The following ATP10B variants were observed in gnomAD, a reference collection of about 807,000 sequenced individuals.
The protein encoded by ATP10B is ATPase phospholipid transporting 10B (putative), also known as phospholipid-transporting ATPase VB.
In ATP10B, 122 loss-of-function variants were observed where a neutral mutation model predicts 141.2. That is an observed-to-expected ratio of 0.86 (90% CI 0.75 to 1.00). ATP10B has a LOEUF of 1.00. Ranked by LOEUF, ATP10B falls within the 50% of genes least tolerant of loss-of-function variation. The pLI, the probability that ATP10B is intolerant of heterozygous loss-of-function variation, is 0.00. For missense variants in ATP10B, 1,876 were observed against 1,825.3 expected (o/e 1.03, Z -0.51); for synonymous variants, 685 against 692.0 (o/e 0.99, Z 0.16).
intron 16 of ATP10B, among the ~76,000 whole-genome samples, 171 bp downstream of exon 16, chr5:160,617,693 G>T (rs185702430): frequency 1.3e-5 from 2 of 152,292 alleles, no homozygotes; most frequent in Admixed American, 1.3e-4. Flanking sequence ...TCAGATTTTG[G>T]CTTCCACAAA....
intron 2 of ATP10B, among the ~76,000 whole-genome samples, chr5:160,744,119 A>G (rs1767651622): frequency 2.0e-5 from 3 of 152,166 alleles, no homozygotes; most frequent in African/African-American, 7.2e-5. Context: ...TATTATTTAC[A>G]CTGTCAGCCT....
At chr5:160,618,427 C>T (rs903090249) in intron 15 of ATP10B, among the ~76,000 whole-genome samples, 5 of 152,152 alleles carry the variant, frequency 3.3e-5, no homozygotes, top group Non-Finnish European at 7.3e-5. Flanking sequence ...TATTTATCAT[C>T]TTCTCTATCT....
chr5:160,875,533 A>G, the ATP10B span, among the ~76,000 whole-genome samples: 3 of 91,798 alleles, frequency 3.3e-5, no homozygotes, highest in African/African-American at 8.9e-5. Context: ...CACACATAAC[A>G]ATATTAACTT....
At chr5:160,739,036 T>C (rs760231265) in intron 2 of ATP10B, among the ~76,000 whole-genome samples, 3 of 152,146 alleles carry the variant, frequency 2.0e-5, no homozygotes, top group Non-Finnish European at 4.4e-5. Context: ...GGATTTAATA[T>C]ACAAAAATCA....
the ATP10B span, among the ~76,000 whole-genome samples, chr5:160,916,023 T>C: frequency 2.0e-5 from 3 of 152,154 alleles, no homozygotes; most frequent in Non-Finnish European, 2.9e-5. Context: ...CCTGTAACCA[T>C]AGAAACAGGG....
rs533599834 is a variant in ATP10B, at chr5:160,602,832, C to T, written c.3238-130G>A. On this transcript the variant is annotated intron_variant, in intron 20 of 25. Coordinates refer to ENST00000327245, the MANE Select transcript of ATP10B (RefSeq NM_025153.3). ...TCCTAAAGACCCCTTGTTGTGGTCA[C>T]TCTTGGGTAGCTTTTTGGATTCTGA... 6.3e-5 allele frequency: 80 copies of T among 1,277,990 alleles called. No individual in the cohort carries two copies. In the South Asian group the frequency reaches 1.1e-3, roughly 17 times the overall value. 79.2% of individuals were successfully genotyped at this position (1,277,990 alleles called of 1,614,324 possible).
rs113843169 is a variant in ATP10B, at chr5:160,787,638, C to T, written c.-575-1835G>A. On this transcript the variant is annotated intron_variant, in intron 1 of 25. Coordinates refer to ENST00000327245, the MANE Select transcript of ATP10B (RefSeq NM_025153.3). ...TCAGAAAAATAAGTTAATAAATGCT[C>T]TTGTGAAAGTAAAGCTTCCGTGTCC... is the stretch of plus-strand genomic sequence containing the variant. 3.2e-3 allele frequency among the ~76,000 whole-genome samples: 481 copies of T among 152,252 alleles called. 1 individual carries two copies. The highest frequency in any genetic ancestry group is 0.011 in the African/African-American group (469 of 41,550).
intron 2 of ATP10B, among the ~76,000 whole-genome samples, chr5:160,740,722 T>G (rs1767408446): frequency 6.6e-6 from 1 of 152,214 alleles, no homozygotes; most frequent in Admixed American, 6.5e-5. Context: ...GCACCACCTT[T>G]CCTCAGGTTT....
chr5:160,895,054 G>C, the ATP10B span, among the ~76,000 whole-genome samples: 1 of 152,106 alleles, frequency 6.6e-6, no homozygotes, highest in African/African-American at 2.4e-5. Context: ...CCTGAAGGAG[G>C]CACTAAACAT....
the ATP10B span, among the ~76,000 whole-genome samples, chr5:160,921,270 CTTTGT>C: frequency 8.0e-4 from 117 of 147,100 alleles, 1 homozygote; most frequent in Non-Finnish European, 1.2e-3. Flanking sequence ...CTATTCAGCA[CTTTGT>C]TTTTTTTTTT....
intron 2 of ATP10B, among the ~76,000 whole-genome samples, chr5:160,763,804 C>T (rs1291147659): frequency 6.6e-6 from 1 of 151,896 alleles, no homozygotes; most frequent in East Asian, 1.9e-4. Flanking sequence ...ATCAATAGAC[C>T]ATTAGGGAAT....
At chr5:160,701,969 C>T (rs1326340706) in intron 3 of ATP10B, among the ~76,000 whole-genome samples, 1 of 149,624 alleles carries the variant, frequency 6.7e-6, no homozygotes, top group Non-Finnish European at 1.5e-5. Context: ...CACTACTCTA[C>T]CTCAGTGCCT....
At chr5:160,764,691 G>T (rs190577297) in intron 2 of ATP10B, among the ~76,000 whole-genome samples, 1 of 152,028 alleles carries the variant, frequency 6.6e-6, no homozygotes, top group South Asian at 2.1e-4. Context: ...TCTATTCAGC[G>T]TAGTACTGGA....
At chr5:160,787,262 G>A (rs1771235957) in intron 1 of ATP10B, among the ~76,000 whole-genome samples, 1 of 152,054 alleles carries the variant, frequency 6.6e-6, no homozygotes, top group South Asian at 2.1e-4. Context: ...TCCCACACAA[G>A]GACACAAGCT....
chr5:160,920,245 G>A, the ATP10B span, among the ~76,000 whole-genome samples: 2 of 152,256 alleles, frequency 1.3e-5, no homozygotes, highest in South Asian at 2.1e-4. Flanking sequence ...AATTTGAATC[G>A]ACATCTTTCT....
chr5:160,706,490 T>C (rs1765019395), intron 3 of ATP10B, among the ~76,000 whole-genome samples: 1 of 152,288 alleles, frequency 6.6e-6, no homozygotes, highest in African/African-American at 2.4e-5. Flanking sequence ...AGAGTTAAAA[T>C]GAGGTCCCCA....
chr5:160,839,452 G>A (rs1775684793), intron 1 of ATP10B, among the ~76,000 whole-genome samples: 1 of 152,022 alleles, frequency 6.6e-6, no homozygotes, highest in South Asian at 2.1e-4. Context: ...AGCTTTAAAA[G>A]CTTAAGTGAG....
Position 160,622,281 on chromosome 5 carries a change from G to T in ATP10B, c.1812+113C>A, listed in dbSNP as rs572516188. ...TTCACTGTGATGAAATGACACTGTT[G>T]CTAGGACCCAAATTTCATGTCTCCC... On this transcript the variant is annotated intron_variant, in intron 14 of 25. Coordinates refer to ENST00000327245, the MANE Select transcript of ATP10B (RefSeq NM_025153.3). The T allele has an allele frequency of 1.7e-4, 183 of 1,087,924 alleles. No homozygotes were observed. The African/African-American group carries it at 2.6e-3, about 16-fold the overall frequency. 67.4% of individuals were successfully genotyped at this position (1,087,924 alleles called of 1,614,324 possible). A position where few individuals can be genotyped will look rare whatever the true frequency, so the allele number is the denominator to read the frequency against.
intron 19 of ATP10B, among the ~76,000 whole-genome samples, chr5:160,606,228 C>T (rs143705027): frequency 6.6e-6 from 1 of 152,268 alleles, no homozygotes; most frequent in African/African-American, 2.4e-5. Flanking sequence ...GTTTAGCCCC[C>T]TCTGAAAAAT....
Sources: allele counts gnomAD v4.1 joint callset (sites outside exome capture counted in the v4.1 genomes callset), GRCh38; gene constraint gnomAD v4.1.1; transcripts MANE v1.5; gene names NCBI Gene and HGNC (gene_info 2026-07-23, HGNC 2026-07-21).